Variants in BRINP3 observed in about 807,000 individuals in gnomAD.
BRINP3 encodes BMP/retinoic acid-inducible neural-specific protein 3.
A neutral mutation model predicts 71.0 loss-of-function variants in BRINP3; 19 were observed. The observed-to-expected ratio is 0.27, with a 90% confidence interval of 0.19 to 0.39. BRINP3 has a LOEUF of 0.39. Ranked by LOEUF, BRINP3 falls within the 10% of genes least tolerant of loss-of-function variation. BRINP3 has a pLI of 1.00. For synonymous variants in BRINP3, 380 were observed against 337.7 expected (o/e 1.13, Z -1.37); for missense variants, 959 against 940.8 (o/e 1.02, Z -0.25).
At position 190,343,266 on chromosome 1, in the gene BRINP3, T is replaced by A. The variant is rs527345431; in HGVS notation, c.237-61516A>T. On this transcript the variant is annotated intron_variant, in intron 2 of 7. Transcript: ENST00000367462. Reference sequence around the variant, plus strand: ...GGTTTGAAGAGGTAAATATTTAAAATTCTGTGGCAGATATACTTGGAAGAA... The same window carrying A: ...GGTTTGAAGAGGTAAATATTTAAAAATCTGTGGCAGATATACTTGGAAGAA... Among the ~76,000 whole-genome samples the A allele has an allele frequency of 5.3e-5, 8 of 151,946 alleles. No individual in the cohort carries two copies. In the South Asian group the frequency reaches 1.2e-3, roughly 24 times the overall value.
chr1:190,271,176 C>A (rs1008493620), intron 3 of BRINP3, among the ~76,000 whole-genome samples: 4 of 151,390 alleles, frequency 2.6e-5, no homozygotes, highest in African/African-American at 9.7e-5. Context: ...ATAATTAGAC[C>A]AATAGAAGGC....
At chr1:190,353,568 A>C (rs1456060842) in intron 2 of BRINP3, among the ~76,000 whole-genome samples, 1 of 152,052 alleles carries the variant, frequency 6.6e-6, no homozygotes, top group Non-Finnish European at 1.5e-5. Context: ...ATTCAAACAA[A>C]ATTTTGGCTA....
At chr1:190,230,035 GA>G (rs1657811887) in intron 5 of BRINP3, among the ~76,000 whole-genome samples, 1 of 151,848 alleles carries the variant, frequency 6.6e-6, no homozygotes, top group African/African-American at 2.4e-5. Context: ...TTGAAATTAA[GA>G]ACCAATGGAT....
intron 2 of BRINP3, among the ~76,000 whole-genome samples, chr1:190,352,226 T>C (rs1214922664): frequency 4.6e-5 from 7 of 152,064 alleles, no homozygotes; most frequent in Non-Finnish European, 8.8e-5. Context: ...TCATTTTGAC[T>C]ACTGAAAATT....
At chr1:190,305,140 G>A (rs535783877) in intron 2 of BRINP3, among the ~76,000 whole-genome samples, 4 of 151,950 alleles carry the variant, frequency 2.6e-5, no homozygotes, top group South Asian at 4.2e-4. Flanking sequence ...GTGGTGAAAA[G>A]GGAACCCTTA....
intron 1 of BRINP3, among the ~76,000 whole-genome samples, chr1:190,464,138 T>C (rs190920209): frequency 1.0e-5 from 1 of 95,378 alleles, no homozygotes; most frequent in East Asian, 2.9e-4. Flanking sequence ...TCAAAAAGTG[T>C]TTTTTTTTAA....
intron 5 of BRINP3, 100 bp from the exon 6 acceptor site, chr1:190,226,418 T>C: frequency 1.6e-6 from 1 of 624,596 alleles, no homozygotes; most frequent in Non-Finnish European, 2.5e-6. Context: ...TAATTTAGTG[T>C]ATTAAATTTT....
At chr1:190,401,155 C>T (rs1028763487) in intron 2 of BRINP3, among the ~76,000 whole-genome samples, 1 of 151,902 alleles carries the variant, frequency 6.6e-6, no homozygotes, top group Non-Finnish European at 1.5e-5. Context: ...GTCAGTAGTT[C>T]GAGACCAGGC....
intron 2 of BRINP3, among the ~76,000 whole-genome samples, chr1:190,450,297 CT>C (rs1366355083): frequency 1.3e-5 from 2 of 152,232 alleles, no homozygotes; most frequent in South Asian, 4.1e-4. Context: ...GGCATTTGGG[CT>C]TGCTCATCTG....
chr1:190,321,253 A>G (rs1171638123), intron 2 of BRINP3, among the ~76,000 whole-genome samples: 1 of 152,104 alleles, frequency 6.6e-6, no homozygotes, highest in African/African-American at 2.4e-5. Context: ...CATGCATCAG[A>G]AATGGAAAGA....
At chr1:190,099,216 G>A in intron 7 of BRINP3, 82 bp from the exon 8 acceptor site, 1 of 1,377,618 alleles carries the variant, frequency 7.3e-7, no homozygotes, top group Non-Finnish European at 9.8e-7. Flanking sequence ...AGAAATCTTT[G>A]CTATCATTTC....
intron 2 of BRINP3, among the ~76,000 whole-genome samples, chr1:190,306,874 G>C (rs1176445374): frequency 6.6e-6 from 1 of 151,914 alleles, no homozygotes; most frequent in Non-Finnish European, 1.5e-5. Context: ...TTAAATAAAA[G>C]ATACTATTGT....
intron 7 of BRINP3, among the ~76,000 whole-genome samples, chr1:190,140,649 T>C (rs1655357325): frequency 6.6e-6 from 1 of 152,198 alleles, no homozygotes; most frequent in Non-Finnish European, 1.5e-5. Context: ...TAATAAAATG[T>C]TAAAATTAAA....
intron 6 of BRINP3, among the ~76,000 whole-genome samples, chr1:190,225,763 T>C (rs1017601859): frequency 6.6e-6 from 1 of 151,848 alleles, no homozygotes; most frequent in Non-Finnish European, 1.5e-5. Flanking sequence ...AAGCAGACAC[T>C]AGAAAAGTAG....
At chr1:190,336,739 T>C (rs1042762031) in intron 2 of BRINP3, among the ~76,000 whole-genome samples, 5 of 151,980 alleles carry the variant, frequency 3.3e-5, no homozygotes, top group Non-Finnish European at 7.4e-5. Flanking sequence ...TACTAAGTAA[T>C]ATTCCACTAA....
Position 190,438,792 on chromosome 1 carries a change from C to A in BRINP3, c.236+15863G>T, listed in dbSNP as rs1674633150. Among the ~76,000 whole-genome samples, 5 of 151,916 alleles carry A rather than the reference C, an allele frequency of 3.3e-5. No homozygotes were observed. The South Asian group carries it at 1.0e-3, about 32-fold the overall frequency. On this transcript the variant is annotated intron_variant, in intron 2 of 7. Coordinates refer to ENST00000367462, the MANE Select transcript of BRINP3 (RefSeq NM_199051.3). ...CTAACCAAGGAAGAGTAAATGTTCCCTCTCAAGATGCCATAATAGTGACAC... is the reference window on the plus strand; with the variant it reads ...CTAACCAAGGAAGAGTAAATGTTCCATCTCAAGATGCCATAATAGTGACAC...
chr1:190,417,218 A>C (rs1319941575), intron 2 of BRINP3, among the ~76,000 whole-genome samples: 1 of 152,144 alleles, frequency 6.6e-6, no homozygotes, highest in Non-Finnish European at 1.5e-5. Context: ...GAGAAAAAAA[A>C]TATAAAACCT....
intron 2 of BRINP3, among the ~76,000 whole-genome samples, chr1:190,440,660 A>T (rs1254903341): frequency 6.6e-6 from 1 of 151,996 alleles, no homozygotes; most frequent in Admixed American, 6.6e-5. Context: ...TGGTCGATAA[A>T]AGCATGAAAC....
At chr1:190,371,783 C>T (rs572903995) in intron 2 of BRINP3, among the ~76,000 whole-genome samples, 3 of 152,082 alleles carry the variant, frequency 2.0e-5, no homozygotes, top group South Asian at 2.1e-4. Context: ...TTAAATTTAA[C>T]GATATCAATT....
Sources: gnomAD v4.1 joint callset for allele counts (sites outside exome capture counted in the v4.1 genomes callset) on GRCh38, gnomAD v4.1.1 for gene constraint, MANE v1.5 for transcripts, NCBI Gene and HGNC (gene_info 2026-07-23, HGNC 2026-07-21) for gene names.